Variants in VPS54 observed in about 807,000 individuals in gnomAD.
The protein encoded by VPS54 is vacuolar protein sorting-associated protein 54.
In VPS54, 45 loss-of-function variants were observed where a neutral mutation model predicts 121.5. The observed-to-expected ratio is 0.37, with a 90% CI of 0.29 to 0.47. VPS54 has a LOEUF of 0.47. Ranked by LOEUF, VPS54 falls within the 20% of genes least tolerant of loss-of-function variation. VPS54 has a pLI of 0.99. For synonymous variants in VPS54, 371 were observed against 385.8 expected (o/e 0.96, Z 0.45); for missense variants, 1,090 against 1,131.4 (o/e 0.96, Z 0.52).
chr2:64,006,412 G>A (rs1296967437), intron 1 of VPS54, among the ~76,000 whole-genome samples: 1 of 152,066 alleles, frequency 6.6e-6, no homozygotes, highest in African/African-American at 2.4e-5. Context: ...TAAGAGTATT[G>A]GCCATACAAT....
chr2:63,965,747 C>T, intron 6 of VPS54, 88 bp downstream of exon 6: 1 of 1,526,244 alleles, frequency 6.6e-7, no homozygotes, highest in Non-Finnish European at 8.8e-7. Context: ...AAAAGTACAG[C>T]TTACTAAATA....
intron 1 of VPS54, among the ~76,000 whole-genome samples, chr2:64,006,466 A>G (rs1262065858): frequency 6.6e-6 from 1 of 152,208 alleles, no homozygotes; most frequent in East Asian, 1.9e-4. Flanking sequence ...CAACTGTCTT[A>G]CCTTCCTAAG....
intron 7 of VPS54, among the ~76,000 whole-genome samples, chr2:63,958,989 T>C (rs1393709019): frequency 3.9e-5 from 6 of 152,162 alleles, no homozygotes; most frequent in Non-Finnish European, 7.4e-5. Flanking sequence ...GAGAGTGTAA[T>C]TATTTTAATA....
At chr2:64,004,074 G>T (rs1678012514) in intron 1 of VPS54, among the ~76,000 whole-genome samples, 1 of 152,106 alleles carries the variant, frequency 6.6e-6, no homozygotes, top group Non-Finnish European at 1.5e-5. Flanking sequence ...GTTAAAAGGG[G>T]GTTCCCACTG....
chr2:63,956,791 T>A (rs1036811819), intron 7 of VPS54, among the ~76,000 whole-genome samples: 3 of 152,178 alleles, frequency 2.0e-5, no homozygotes, highest in African/African-American at 7.2e-5. Flanking sequence ...TCCTCTGTTG[T>A]AGAATGGCGG....
chr2:64,001,526 C>T (rs917748920), intron 1 of VPS54, among the ~76,000 whole-genome samples: 3 of 152,140 alleles, frequency 2.0e-5, no homozygotes, highest in African/African-American at 7.2e-5. Flanking sequence ...CCATGGCGTA[C>T]TACGTGGTTA....
intron 16 of VPS54, among the ~76,000 whole-genome samples, chr2:63,915,151 C>CAAAAAAAAAAA (rs5831674): frequency 1.3e-4 from 3 of 23,852 alleles, no homozygotes; most frequent in African/African-American, 2.7e-4. Context: ...AGCTCCGTCT[C>CAAAAAAAAAAA]AAAAAAAAAA....
At chr2:63,947,826 GT>G (rs925403914) in intron 8 of VPS54, among the ~76,000 whole-genome samples, 142 of 151,694 alleles carry the variant, frequency 9.4e-4, no homozygotes, top group African/African-American at 3.1e-3. Flanking sequence ...GGCCCTGTGG[GT>G]TTTTTTTGGT....
At chr2:63,951,101 C>A (rs938312263) in intron 7 of VPS54, among the ~76,000 whole-genome samples, 2 of 151,978 alleles carry the variant, frequency 1.3e-5, no homozygotes, top group East Asian at 3.8e-4. Context: ...TAAGCCTGCA[C>A]CTGCATAAAA....
chr2:63,930,399 C>A (rs1021375900), intron 12 of VPS54, among the ~76,000 whole-genome samples: 1 of 152,060 alleles, frequency 6.6e-6, no homozygotes, highest in African/African-American at 2.4e-5. Flanking sequence ...ATAAGCAGAA[C>A]CAATGACAAA....
intron 1 of VPS54, among the ~76,000 whole-genome samples, chr2:63,984,785 C>A (rs1366986430): frequency 6.6e-6 from 1 of 152,124 alleles, no homozygotes; most frequent in Admixed American, 6.5e-5. Flanking sequence ...AGCAAGACAA[C>A]ATAATACAGG....
intron 3 of VPS54, among the ~76,000 whole-genome samples, chr2:63,976,746 CTTA>C (rs966251300): frequency 6.6e-6 from 1 of 151,388 alleles, no homozygotes; most frequent in African/African-American, 2.4e-5. Flanking sequence ...ACAATATTCT[CTTA>C]TTATCCTTTT....
intron 16 of VPS54, among the ~76,000 whole-genome samples, chr2:63,915,661 G>T (rs1192835140): frequency 6.6e-6 from 1 of 152,142 alleles, no homozygotes; most frequent in Non-Finnish European, 1.5e-5. Flanking sequence ...GTTAAGGAGG[G>T]AAATCATAAT....
At chr2:63,961,712 T>G (rs553810532) in intron 7 of VPS54, among the ~76,000 whole-genome samples, 29 of 152,180 alleles carry the variant, frequency 1.9e-4, no homozygotes, top group Non-Finnish European at 3.7e-4. Flanking sequence ...AACACAAACT[T>G]AATTTTAAAT....
chr2:63,912,714 T>G (rs1234342193), intron 18 of VPS54, 53 bp from the exon 19 acceptor site: 9 of 1,520,096 alleles, frequency 5.9e-6, no homozygotes, highest in Non-Finnish European at 7.9e-6. Flanking sequence ...AAAAAAGGTA[T>G]TAGTTGATTT....
intron 7 of VPS54, among the ~76,000 whole-genome samples, chr2:63,959,262 A>T (rs1233131103): frequency 6.6e-6 from 1 of 152,210 alleles, no homozygotes; most frequent in Non-Finnish European, 1.5e-5. Flanking sequence ...AAAACAAAAC[A>T]CAAACAAAAG....
chr2:63,925,707 T>C (rs1486662084), intron 12 of VPS54, among the ~76,000 whole-genome samples: 1 of 152,226 alleles, frequency 6.6e-6, no homozygotes, highest in African/African-American at 2.4e-5. Flanking sequence ...ATATCACAAC[T>C]GTAATGCTGA....
At chr2:63,925,074 GA>G (rs1434226371) in intron 12 of VPS54, among the ~76,000 whole-genome samples, 2 of 152,306 alleles carry the variant, frequency 1.3e-5, no homozygotes, top group East Asian at 3.9e-4. Flanking sequence ...ATTATATTAA[GA>G]ACTTTTGTTC....
chr2:63,934,562 A>G (rs1010708523), intron 11 of VPS54, among the ~76,000 whole-genome samples: 1 of 152,078 alleles, frequency 6.6e-6, no homozygotes, highest in Non-Finnish European at 1.5e-5. Context: ...ATCTTTGCAC[A>G]TATTTCCTTC....
Sources: gnomAD v4.1 joint callset for allele counts (sites outside exome capture counted in the v4.1 genomes callset) on GRCh38, gnomAD v4.1.1 for gene constraint, MANE v1.5 for transcripts, NCBI Gene and HGNC (gene_info 2026-07-23, HGNC 2026-07-21) for gene names.